The following CYP4Z1 variants were observed in gnomAD, a reference collection of about 807,000 sequenced individuals.
The protein encoded by CYP4Z1 is cytochrome P450 family 4 subfamily Z member 1.
Under a neutral mutation model 54.2 loss-of-function variants are expected in CYP4Z1, and 41 were observed. The ratio of observed to expected loss-of-function variants is 0.76; its 90% CI spans 0.59 to 0.98. The LOEUF is 0.98. CYP4Z1 is among the 50% of genes least tolerant of loss of function. CYP4Z1 has a pLI of 0.00. For missense variants in CYP4Z1, 513 were observed against 599.0 expected, an observed-to-expected ratio of 0.86 and a Z score of 1.50; for synonymous variants, 163 against 206.2, an observed-to-expected ratio of 0.79 and a Z score of 1.79.
chr1:47,063,962 A>G (rs1052357736), upstream of CYP4Z1, among the ~76,000 whole-genome samples: 6 of 152,160 alleles, frequency 3.9e-5, no homozygotes, highest in African/African-American at 1.4e-4. Context: ...AGTCAAGATG[A>G]AGGAAAGAAT....
chr1:47,061,123 T>C, the CYP4Z1 span, among the ~76,000 whole-genome samples: 63,692 of 151,898 alleles, frequency 0.42, 14,699 homozygotes, highest in East Asian at 0.97. Flanking sequence ...ACCAATCTAA[T>C]ACCACAACTG....
At chr1:47,092,709 T>C (rs1048642202) in intron 6 of CYP4Z1, among the ~76,000 whole-genome samples, 20 of 152,172 alleles carry the variant, frequency 1.3e-4, no homozygotes, top group Middle Eastern at 3.4e-3. Flanking sequence ...AGGAGATATA[T>C]TGCTCATCTC....
At chr1:47,063,810 A>T (rs1644435858), upstream of CYP4Z1, among the ~76,000 whole-genome samples, 1 of 152,132 alleles carries the variant, frequency 6.6e-6, no homozygotes, top group African/African-American at 2.4e-5. Flanking sequence ...AATTTGGAAA[A>T]CATATTTGAG....
rs1569769789 is a variant in CYP4Z1, at chr1:47,118,229, C to T, written c.*295C>T. The stretch of plus-strand genomic sequence containing the variant: ...CAAGCATAGTTTGATCAAAACTCCA[C>T]TCAGTATCTGCATTACTTTTATCTC... On this transcript the variant is annotated 3_prime_UTR_variant, in exon 12 of 12. Transcript: ENST00000334194. 2 of 265,776 alleles carry T rather than the reference C, an allele frequency of 7.5e-6. No homozygotes were observed. Among genetic ancestry groups the T allele is most frequent in the East Asian group, 7.6e-5 (1 of 13,238 alleles). 16.5% of individuals were successfully genotyped at this position (265,776 alleles called of 1,614,324 possible).
chr1:47,070,338 G>T lies in CYP4Z1; in HGVS notation c.319+1575G>T, dbSNP rs1383134250. On this transcript the variant is annotated intron_variant, in intron 2 of 11. Transcript: ENST00000334194. ...ATTTACCATTTTAAATCACTTTTAA[G>T]TATACAATTTAATGGCATTAAATAC... Among the ~76,000 whole-genome samples, 3 of 114,330 alleles carry T rather than the reference G, an allele frequency of 2.6e-5. 1 individual carries two copies. The allele number at this position is 114,330 out of a possible 152,430, so 75.0% of individuals were successfully genotyped here. A position where few individuals can be genotyped will look rare whatever the true frequency, so the allele number is the denominator to read the frequency against.
intron 9 of CYP4Z1, among the ~76,000 whole-genome samples, chr1:47,114,414 G>A (rs1569763439): frequency 6.6e-6 from 1 of 152,202 alleles, no homozygotes; most frequent in South Asian, 2.1e-4. Context: ...AACACCAAAA[G>A]CAATGGCAAC....
chr1:47,093,830 G>A (rs1440702041), intron 6 of CYP4Z1, among the ~76,000 whole-genome samples: 1 of 152,190 alleles, frequency 6.6e-6, no homozygotes, highest in African/African-American at 2.4e-5. Context: ...AAGCCACAAC[G>A]TACTGCAGAG....
In CYP4Z1 at chr1:47,117,984, G is replaced by A. The variant is rs1465073123; in HGVS notation, c.*50G>A. 2 of 1,563,610 alleles carry A rather than the reference G, an allele frequency of 1.3e-6. No individual in the cohort carries two copies. Among genetic ancestry groups the A allele is most frequent in the Non-Finnish European group, 1.8e-6 (2 of 1,142,278 alleles). ...TAATGAGACAATTTTCCTACCAAAG[G>A]AAGAACAAAAGGATAAATATAATAC... On this transcript the variant is annotated 3_prime_UTR_variant, in exon 12 of 12. Transcript: ENST00000334194.
In CYP4Z1 at chr1:47,094,470, C is replaced by A. The variant is rs1030274371; in HGVS notation, c.773-96C>A. Reference sequence around the variant, plus strand: ...ACATTGGGTGGGGGGCAGCCAGGGGCTACCGATAAAGCACCAGCTTCTCAG... The same window carrying A: ...ACATTGGGTGGGGGGCAGCCAGGGGATACCGATAAAGCACCAGCTTCTCAG... On this transcript the variant is annotated intron_variant, in intron 6 of 11. Transcript: ENST00000334194. The A allele has an allele frequency of 1.7e-5, 14 of 822,144 alleles. No homozygotes were observed. In the African/African-American group the frequency reaches 2.3e-4, roughly 14 times the overall value. The allele number at this position is 822,144 out of a possible 1,614,324, so 50.9% of individuals were successfully genotyped here.
chr1:47,112,636 A>G (rs1349827754), intron 9 of CYP4Z1, among the ~76,000 whole-genome samples: 1 of 152,132 alleles, frequency 6.6e-6, no homozygotes, highest in Non-Finnish European at 1.5e-5. Context: ...AAATAAATGT[A>G]TTGGCTGGGC....
Position 47,067,677 on chromosome 1 carries a change from G to T in CYP4Z1, c.177+10G>T. Reference sequence around the variant, plus strand: ...CTATGGCCACAAGGAGGTAAGAGGAGAAAATTAGTTGGGGAGGTTAAGGGA... The same window carrying T: ...CTATGGCCACAAGGAGGTAAGAGGATAAAATTAGTTGGGGAGGTTAAGGGA... On this transcript the variant is annotated intron_variant, in intron 1 of 11. Transcript: ENST00000334194. 6.3e-7 allele frequency: 1 copy of T among 1,586,692 alleles called. No homozygotes were observed. Among genetic ancestry groups the T allele is most frequent in the South Asian group, 1.1e-5 (1 of 87,126 alleles).
intron 2 of CYP4Z1, among the ~76,000 whole-genome samples, chr1:47,079,755 G>A (rs61784346): frequency 0.033 from 4,950 of 152,060 alleles, 4 homozygotes; most frequent in Non-Finnish European, 0.05. Flanking sequence ...AGGCTATCTG[G>A]TAGTGAAGGG....
chr1:47,101,825 T>C (rs11211445), intron 8 of CYP4Z1, among the ~76,000 whole-genome samples: 39,128 of 151,830 alleles, frequency 0.26, 5,879 homozygotes, highest in East Asian at 0.7. Context: ...TATAAAGAAA[T>C]TTGTCTAGAT....
chr1:47,070,416 C>T (rs1644482273), intron 2 of CYP4Z1, among the ~76,000 whole-genome samples: 1 of 93,942 alleles, frequency 1.1e-5, no homozygotes, highest in South Asian at 5.4e-4. Context: ...ACTTTTTCAT[C>T]TTCCCAAACT....
the CYP4Z1 span, among the ~76,000 whole-genome samples, chr1:47,056,270 G>C: frequency 2.2e-4 from 34 of 152,146 alleles, no homozygotes; most frequent in Admixed American, 1.5e-3. Context: ...TTTGATTGCA[G>C]TGTGGTCTGA....
rs868316253 is a variant in CYP4Z1 at position 47,082,276 on chromosome 1, A to T, written c.365-58A>T. 25 of 1,549,326 alleles carry T rather than the reference A, an allele frequency of 1.6e-5. No homozygotes were observed. In the Middle Eastern group the frequency reaches 2.5e-3, roughly 152 times the overall value. ...ATAGGGAATTGCTCACTGCGTGCCT[A>T]GTCTTTCTTCACTTACCTGGCCTCT... On this transcript the variant is annotated intron_variant, in intron 3 of 11. Transcript: ENST00000334194.
chr1:47,097,999 G>A (rs1345562027), intron 7 of CYP4Z1, among the ~76,000 whole-genome samples: 3 of 151,636 alleles, frequency 2.0e-5, no homozygotes, highest in African/African-American at 7.3e-5. Flanking sequence ...TATTTTCAGT[G>A]GAGATGGGGG....
At chr1:47,115,448 T>TA in intron 9 of CYP4Z1, 81 bp from the exon 10 acceptor site, 4 of 1,322,588 alleles carry the variant, frequency 3.0e-6, no homozygotes, top group Non-Finnish European at 3.2e-6. Context: ...AAGTATAATT[T>TA]TAAAAAAAAA....
At chr1:47,067,225 G>T (rs917826737), upstream of CYP4Z1, among the ~76,000 whole-genome samples, 1 of 152,166 alleles carries the variant, frequency 6.6e-6, no homozygotes, top group African/African-American at 2.4e-5. Flanking sequence ...GTGCAGCAAA[G>T]CTTTCATATG....
Sources: gnomAD v4.1 joint callset for allele counts (sites outside exome capture counted in the v4.1 genomes callset) on GRCh38, gnomAD v4.1.1 for gene constraint, MANE v1.5 for transcripts, NCBI Gene and HGNC (gene_info 2026-07-23, HGNC 2026-07-21) for gene names.